The following FRMD4B variants were observed in gnomAD, a reference collection of about 807,000 sequenced individuals.
FRMD4B encodes the protein FERM domain-containing protein 4B.
Under a neutral mutation model 141.5 loss-of-function variants are expected in FRMD4B, and 74 were observed. The ratio of observed to expected loss-of-function variants is 0.52; its 90% CI spans 0.43 to 0.63. The LOEUF (loss-of-function observed/expected upper bound fraction) is 0.63, where lower values mean the gene tolerates loss of function less well. Among genes scored for constraint, FRMD4B ranks in the 30% least tolerant of loss-of-function variants. The pLI, the probability that FRMD4B is intolerant of heterozygous loss-of-function variation, is 0.00. For missense variants in FRMD4B, 1,366 were observed against 1,253.4 expected (o/e 1.09, Z -1.36); for synonymous variants, 506 against 467.9 (o/e 1.08, Z -1.05).
chr3:69,348,772 C>A (rs1281475211), intron 1 of FRMD4B, among the ~76,000 whole-genome samples: 1 of 152,188 alleles, frequency 6.6e-6, no homozygotes, highest in Non-Finnish European at 1.5e-5. Flanking sequence ...ACGCCTTTGA[C>A]AAAATTCAAC....
chr3:69,219,905 G>C (rs907727668), intron 9 of FRMD4B, among the ~76,000 whole-genome samples: 2 of 152,160 alleles, frequency 1.3e-5, no homozygotes, highest in African/African-American at 4.8e-5. Context: ...AGTTTGCTGA[G>C]GATAATGGCT....
chr3:69,180,183 G>A (rs1325547313), intron 21 of FRMD4B, among the ~76,000 whole-genome samples: 1 of 148,982 alleles, frequency 6.7e-6, no homozygotes, highest in African/African-American at 2.5e-5. Context: ...GTTGCTTGAG[G>A]CCAGGAGTTT....
At chr3:69,215,508 G>A (rs1212032849) in intron 11 of FRMD4B, among the ~76,000 whole-genome samples, 1 of 150,990 alleles carries the variant, frequency 6.6e-6, no homozygotes, top group Non-Finnish European at 1.5e-5. Context: ...GGCCAGGCTG[G>A]TCTCAAATTC....
At chr3:69,188,241 A>C (rs1301955337) in intron 18 of FRMD4B, among the ~76,000 whole-genome samples, 1 of 152,192 alleles carries the variant, frequency 6.6e-6, no homozygotes, top group Non-Finnish European at 1.5e-5. Context: ...GAAAACCCCC[A>C]GTGTGAACCA....
At chr3:69,225,782 C>CT (rs2093248744) in intron 7 of FRMD4B, among the ~76,000 whole-genome samples, 2 of 141,468 alleles carry the variant, frequency 1.4e-5, no homozygotes, top group African/African-American at 5.2e-5. Flanking sequence ...AGAAAATACT[C>CT]TAACTACTGA....
chr3:69,468,863 T>C (rs1381756799), intron 1 of FRMD4B, among the ~76,000 whole-genome samples: 2 of 152,196 alleles, frequency 1.3e-5, no homozygotes, highest in East Asian at 3.9e-4. Flanking sequence ...TGTGTAAATA[T>C]GTTTGAGTCC....
At chr3:69,511,448 T>C (rs140237075) in intron 1 of FRMD4B, among the ~76,000 whole-genome samples, 279 of 152,218 alleles carry the variant, frequency 1.8e-3, no homozygotes, top group African/African-American at 6.6e-3. Flanking sequence ...GCAAGAAGAA[T>C]ACCATGCCTA....
At chr3:69,380,251 A>G (rs1704080177) in intron 1 of FRMD4B, among the ~76,000 whole-genome samples, 2 of 152,060 alleles carry the variant, frequency 1.3e-5, no homozygotes, top group South Asian at 4.1e-4. Context: ...CCCAAGGTCC[A>G]CCCCACACAC....
intron 4 of FRMD4B, chr3:69,292,976 G>A (rs1052180876): frequency 5.3e-5 from 24 of 449,118 alleles, no homozygotes; most frequent in Admixed American, 1.2e-4. Flanking sequence ...GACAAACCTC[G>A]GCTTCACAAG....
intron 5 of FRMD4B, among the ~76,000 whole-genome samples, chr3:69,265,774 A>C (rs2106892093): frequency 6.6e-6 from 1 of 152,006 alleles, no homozygotes; most frequent in East Asian, 1.9e-4. Context: ...ATGAAGTTCC[A>C]AGTAGTTTAA....
intron 11 of FRMD4B, among the ~76,000 whole-genome samples, chr3:69,211,353 C>T (rs1437260463): frequency 6.6e-6 from 1 of 152,166 alleles, no homozygotes; most frequent in East Asian, 1.9e-4. Flanking sequence ...GTCTCCCAAA[C>T]TCTTTCCCTG....
intron 9 of FRMD4B, among the ~76,000 whole-genome samples, chr3:69,219,585 A>C (rs73097731): frequency 0.14 from 21,247 of 152,002 alleles, 1,940 homozygotes; most frequent in African/African-American, 0.26. Context: ...AGAAAGAATA[A>C]GACTCTGCAT....
At chr3:69,485,648 C>A (rs1321101275) in intron 1 of FRMD4B, among the ~76,000 whole-genome samples, 1 of 152,226 alleles carries the variant, frequency 6.6e-6, no homozygotes, top group Admixed American at 6.5e-5. Context: ...CCTGGCCCAG[C>A]CCCCTCACAG....
Position 69,541,423 on chromosome 3 carries a change from C to CGA in FRMD4B, c.-129+781_-129+782dup, listed in dbSNP as rs151247903. The CGA allele has an allele frequency of 7.4e-3, 1,116 of 150,860 alleles. 11 individuals are homozygous for CGA. Among genetic ancestry groups the CGA allele is most frequent in the Admixed American group, 0.015 (227 of 15,122 alleles). The allele number at this position is 150,860 out of a possible 1,614,324, so 9.3% of individuals were successfully genotyped here. On this transcript the variant is annotated intron_variant, in intron 1 of 5. Transcript: ENST00000459638. Reference sequence around the variant, plus strand: ...AAGGAAGCGGCCACACAAAGGAGAGCGAGAGAGAGAGAGAGACCTCCTCCT... The same window carrying CGA: ...AAGGAAGCGGCCACACAAAGGAGAGCGAGAGAGAGAGAGAGAGACCTCCTCCT...
intron 1 of FRMD4B, among the ~76,000 whole-genome samples, chr3:69,514,026 T>C (rs117571829): frequency 6.6e-6 from 1 of 152,300 alleles, no homozygotes; most frequent in East Asian, 1.9e-4. Flanking sequence ...CCAGTTCTTT[T>C]CAACATAGTA....
chr3:69,377,395 C>A (rs553547572), intron 1 of FRMD4B, among the ~76,000 whole-genome samples: 2 of 152,308 alleles, frequency 1.3e-5, no homozygotes, highest in South Asian at 4.1e-4. Flanking sequence ...TGTTTTAAAG[C>A]TAGATTCTAC....
At chr3:69,412,840 CTTTTTTTTTTTTTTTTTT>C (rs869150440) in intron 2 of FRMD4B, among the ~76,000 whole-genome samples, 1 of 54,242 alleles carries the variant, frequency 1.8e-5, no homozygotes, top group Non-Finnish European at 3.2e-5. Flanking sequence ...AGAAGCTCCA[CTTTTTTTTTTTTTTTTTT>C]TTTTTTTTTT....
upstream of FRMD4B, among the ~76,000 whole-genome samples, chr3:69,389,368 T>G (rs1704334650): frequency 6.6e-6 from 1 of 152,326 alleles, no homozygotes; most frequent in South Asian, 2.1e-4. Flanking sequence ...GTACATATTA[T>G]AAAATGTGTT....
chr3:69,480,908 G>A (rs971716552), intron 1 of FRMD4B, among the ~76,000 whole-genome samples: 4 of 152,202 alleles, frequency 2.6e-5, no homozygotes, highest in Admixed American at 6.5e-5. Context: ...GCAAGCCTGG[G>A]CAATGGCGGG....
Sources: allele counts gnomAD v4.1 joint callset (sites outside exome capture counted in the v4.1 genomes callset), GRCh38; gene constraint gnomAD v4.1.1; transcripts MANE v1.5; gene names NCBI Gene and HGNC (gene_info 2026-07-23, HGNC 2026-07-21).